KCNIP4: variants seen among roughly 807,000 people sequenced by gnomAD.
The protein encoded by KCNIP4 is potassium voltage-gated channel interacting protein 4.
A neutral mutation model predicts 34.0 loss-of-function variants in KCNIP4; 12 were observed. The ratio of observed to expected loss-of-function variants is 0.35; its 90% CI spans 0.23 to 0.57. The LOEUF is 0.57. Ranked by LOEUF, KCNIP4 falls within the 20% of genes least tolerant of loss-of-function variation. The pLI is 0.83. For missense variants in KCNIP4, 238 were observed against 311.7 expected, an observed-to-expected ratio of 0.76 and a Z score of 1.78; for synonymous variants, 124 against 102.2, an observed-to-expected ratio of 1.21 and a Z score of -1.29.
chr4:21,588,291 A>G (rs2109087314), intron 1 of KCNIP4, among the ~76,000 whole-genome samples: 1 of 152,054 alleles, frequency 6.6e-6, no homozygotes, highest in East Asian at 1.9e-4. Context: ...AAACCTGGCT[A>G]TGGGTGCTAG....
At chr4:21,124,145 C>G (rs893365823) in intron 1 of KCNIP4, among the ~76,000 whole-genome samples, 1 of 151,834 alleles carries the variant, frequency 6.6e-6, no homozygotes, top group Non-Finnish European at 1.5e-5. Context: ...TCTGGTTTAA[C>G]AGAATAGTTG....
At chr4:21,445,119 A>G (rs932153347) in intron 1 of KCNIP4, among the ~76,000 whole-genome samples, 3 of 152,204 alleles carry the variant, frequency 2.0e-5, no homozygotes, top group Non-Finnish European at 4.4e-5. Context: ...TCAGTGAAAT[A>G]AAAGAGGATA....
chr4:20,830,919 AG>A (rs1718350029), intron 3 of KCNIP4, among the ~76,000 whole-genome samples: 1 of 152,192 alleles, frequency 6.6e-6, no homozygotes, highest in Non-Finnish European at 1.5e-5. Flanking sequence ...CTGAATTGAG[AG>A]GCAGACAACA....
intron 1 of KCNIP4, among the ~76,000 whole-genome samples, chr4:20,988,470 C>T (rs1046793349): frequency 1.3e-5 from 2 of 152,082 alleles, no homozygotes; most frequent in Admixed American, 1.3e-4. Flanking sequence ...GATCATTTTT[C>T]CTTGTTTTTT....
intron 1 of KCNIP4, among the ~76,000 whole-genome samples, chr4:20,890,562 C>T (rs1725816883): frequency 6.6e-6 from 1 of 151,994 alleles, no homozygotes; most frequent in Non-Finnish European, 1.5e-5. Context: ...ATGTTTATTG[C>T]TACCTACAAT....
chr4:20,828,532 GCTGA>G (rs1393615432), intron 3 of KCNIP4, among the ~76,000 whole-genome samples: 1 of 152,192 alleles, frequency 6.6e-6, no homozygotes, highest in Non-Finnish European at 1.5e-5. Context: ...TGTACAGAAG[GCTGA>G]TACTCAGATA....
intron 1 of KCNIP4, among the ~76,000 whole-genome samples, chr4:21,511,490 T>C (rs1577492760): frequency 6.6e-6 from 1 of 151,746 alleles, no homozygotes; most frequent in Non-Finnish European, 1.5e-5. Context: ...AAAAAGTGTA[T>C]ATTTCCAAAG....
intron 1 of KCNIP4, among the ~76,000 whole-genome samples, chr4:21,530,258 G>A (rs553438846): frequency 4.5e-4 from 69 of 152,166 alleles, no homozygotes; most frequent in African/African-American, 1.6e-3. Flanking sequence ...AATACATAAT[G>A]TACTTTTGTT....
intron 1 of KCNIP4, among the ~76,000 whole-genome samples, chr4:20,929,607 T>G (rs1384684371): frequency 6.7e-6 from 1 of 150,348 alleles, no homozygotes; most frequent in Non-Finnish European, 1.5e-5. Flanking sequence ...TATCTCTATT[T>G]GCAGATGATA....
At chr4:21,370,882 C>CGG (rs1720365915) in intron 1 of KCNIP4, among the ~76,000 whole-genome samples, 1 of 39,396 alleles carries the variant, frequency 2.5e-5, no homozygotes, top group Non-Finnish European at 4.8e-5. Context: ...CACACACACA[C>CGG]GTGTGTGTGT....
At chr4:20,904,249 T>C (rs926840613) in intron 1 of KCNIP4, among the ~76,000 whole-genome samples, 3 of 151,724 alleles carry the variant, frequency 2.0e-5, no homozygotes, top group African/African-American at 7.3e-5. Flanking sequence ...CAGGGAAATT[T>C]TTTATCAATG....
At chr4:21,226,181 G>A (rs1371275978) in intron 1 of KCNIP4, among the ~76,000 whole-genome samples, 1 of 141,054 alleles carries the variant, frequency 7.1e-6, no homozygotes, top group Non-Finnish European at 1.5e-5. Context: ...GGTGGCTGAG[G>A]CAAAGGGATT....
At chr4:21,181,438 T>C (rs1305176001) in intron 1 of KCNIP4, among the ~76,000 whole-genome samples, 1 of 152,122 alleles carries the variant, frequency 6.6e-6, no homozygotes, top group African/African-American at 2.4e-5. Context: ...ATCTCTAAGA[T>C]TCTACTATAG....
chr4:20,949,698 G>A (rs1217735664), intron 1 of KCNIP4, among the ~76,000 whole-genome samples: 1 of 152,056 alleles, frequency 6.6e-6, no homozygotes, highest in Non-Finnish European at 1.5e-5. Context: ...ATGAGTTCAT[G>A]TCCTTTGTAG....
chr4:21,410,345 T>A (rs1387884194), intron 1 of KCNIP4, among the ~76,000 whole-genome samples: 1 of 152,212 alleles, frequency 6.6e-6, no homozygotes, highest in African/African-American at 2.4e-5. Flanking sequence ...AGGTCAGACT[T>A]AATGATCTCT....
At chr4:21,415,281 G>A (rs944303312) in intron 1 of KCNIP4, among the ~76,000 whole-genome samples, 8 of 152,044 alleles carry the variant, frequency 5.3e-5, no homozygotes, top group Admixed American at 3.9e-4. Context: ...ATGAATGGTG[G>A]TTGCCAGGGG....
At chr4:21,323,989 C>T (rs1714771303) in intron 1 of KCNIP4, among the ~76,000 whole-genome samples, 1 of 152,002 alleles carries the variant, frequency 6.6e-6, no homozygotes, top group African/African-American at 2.4e-5. Context: ...TTGCATTTCT[C>T]TAATGACCAG....
rs1459506624 is a variant in KCNIP4, at chr4:21,852,231, C to G, written c.61+96340G>C. ...CCGGGAAGGCTTCCAGACTGCAGCT[C>G]ATTGGTTTATTCAGCCAGTGTGTAC... On this transcript the variant is annotated intron_variant, in intron 1 of 8. Transcript: ENST00000382152. The G allele has an allele frequency of 2.0e-5, 3 of 152,102 alleles. No homozygotes were observed. In the East Asian group the frequency reaches 5.8e-4, roughly 29 times the overall value. 9.4% of individuals were successfully genotyped at this position (152,102 alleles called of 1,614,324 possible). A position where few individuals can be genotyped will look rare whatever the true frequency, so the allele number is the denominator to read the frequency against.
intron 1 of KCNIP4, among the ~76,000 whole-genome samples, chr4:21,853,721 G>A (rs1447067122): frequency 6.6e-6 from 1 of 152,078 alleles, no homozygotes; most frequent in Non-Finnish European, 1.5e-5. Context: ...ATAAACATAG[G>A]GGAATATCTG....
Sources: gnomAD v4.1 joint callset for allele counts (sites outside exome capture counted in the v4.1 genomes callset) on GRCh38, gnomAD v4.1.1 for gene constraint, MANE v1.5 for transcripts, NCBI Gene and HGNC (gene_info 2026-07-23, HGNC 2026-07-21) for gene names.